Variants in CCNH observed in about 807,000 individuals in gnomAD.
CCNH encodes cyclin H.
In CCNH, 31 loss-of-function variants were observed where a neutral mutation model predicts 41.9. The ratio of observed to expected loss-of-function variants is 0.74; its 90% CI spans 0.56 to 1.00. CCNH has a LOEUF of 1.00. Ranked by LOEUF, CCNH falls within the 50% of genes least tolerant of loss-of-function variation. The pLI, the probability that CCNH is intolerant of heterozygous loss-of-function variation, is 0.00. For missense variants in CCNH, 362 were observed against 388.4 expected (o/e 0.93, Z 0.57); for synonymous variants, 138 against 136.1 (o/e 1.01, Z -0.10).
upstream of CCNH, among the ~76,000 whole-genome samples, chr5:87,381,876 A>G (rs887462769): frequency 6.6e-6 from 1 of 152,202 alleles, no homozygotes; most frequent in Non-Finnish European, 1.5e-5. Context: ...TCATAGACCT[A>G]CTATGTATAA....
Position 87,376,352 on chromosome 5 carries a change from G to A in CCNH, n.829C>T, listed in dbSNP as rs778893032. On this transcript the variant is annotated non_coding_transcript_exon_variant, in exon 1 of 1. Transcript: ENST00000607486. ...ATTTACTTGCATGACTAATTATCGT[G>A]TTCTCTTTTTAAACAATAATTGCTT... 14 of 1,607,058 alleles carry A rather than the reference G, an allele frequency of 8.7e-6. No individual in the cohort carries two copies. In the East Asian group the frequency reaches 2.7e-4, roughly 31 times the overall value.
intron 9 of CCNH, chr5:87,366,368 G>A (rs1413465755): frequency 6.9e-6 from 3 of 433,432 alleles, no homozygotes; most frequent in Admixed American, 4.9e-5. Flanking sequence ...TAGATTGGAA[G>A]TCTGTTGGCA....
At chr5:87,398,406 G>C (rs547704076) in intron 7 of CCNH, among the ~76,000 whole-genome samples, 8 of 152,238 alleles carry the variant, frequency 5.3e-5, no homozygotes, top group African/African-American at 1.7e-4. Context: ...AGATGCCACA[G>C]ATAACTCCCA....
chr5:87,329,025 G>C (rs1757426365), intron 9 of CCNH, among the ~76,000 whole-genome samples: 1 of 152,102 alleles, frequency 6.6e-6, no homozygotes, highest in African/African-American at 2.4e-5. Context: ...TTATGTGTTT[G>C]AAGCTTACGA....
At chr5:87,411,033 G>C in intron 2 of CCNH, among the ~76,000 whole-genome samples, 191 bp downstream of exon 2, 1 of 152,078 alleles carries the variant, frequency 6.6e-6, no homozygotes, top group Non-Finnish European at 1.5e-5. Context: ...AGTGAGACTT[G>C]AAATACTTTT....
rs763843462 is a variant in CCNH at position 87,331,426 on chromosome 5, A to C, written c.*91-12529T>G. ...CAGGGAAGTCTGGCAGTTATCTTAT[A>C]AGAGAGAGTGATCGGAGGCCAGGGT... On this transcript the variant is annotated intron_variant and NMD_transcript_variant, in intron 9 of 9. Transcript: ENST00000645953. The C allele has an allele frequency of 1.2e-6, 2 of 1,613,772 alleles. No individual in the cohort carries two copies. The highest frequency in any genetic ancestry group is 1.7e-6 in the Non-Finnish European group (2 of 1,179,808).
chr5:87,363,331 T>C (rs1409286530), intron 9 of CCNH: 1 of 1,266,664 alleles, frequency 7.9e-7, no homozygotes, highest in Admixed American at 2.0e-5. Context: ...GAGAAAACAA[T>C]TTTTTTTTTT....
At chr5:87,395,937 T>C (rs970625584) in intron 7 of CCNH, among the ~76,000 whole-genome samples, 2 of 151,828 alleles carry the variant, frequency 1.3e-5, no homozygotes, top group Non-Finnish European at 2.9e-5. Context: ...TGAAAAACAA[T>C]AGAATATATC....
At chr5:87,363,347 G>T in intron 9 of CCNH, 1 of 1,603,856 alleles carries the variant, frequency 6.2e-7, no homozygotes, top group South Asian at 1.1e-5. Context: ...TTTTTAAACA[G>T]GCAAAGGAAA....
chr5:87,327,153 AT>A (rs1350453497), intron 9 of CCNH, among the ~76,000 whole-genome samples: 2 of 152,200 alleles, frequency 1.3e-5, no homozygotes, highest in African/African-American at 4.8e-5. Context: ...GTGTTAGCTC[AT>A]TTAATAATAA....
downstream of CCNH, among the ~76,000 whole-genome samples, chr5:87,388,197 A>T (rs1162063207): frequency 6.6e-6 from 1 of 152,146 alleles, no homozygotes; most frequent in African/African-American, 2.4e-5. Context: ...GCAAATATGG[A>T]GTCTTTCATC....
exon 1 of CCNH, chr5:87,377,065 A>ATTT: frequency 6.2e-7 from 1 of 1,603,128 alleles, no homozygotes; most frequent in East Asian, 2.2e-5. Flanking sequence ...TGTTAGTGTG[A>ATTT]TACAAGAAAC....
intron 9 of CCNH, among the ~76,000 whole-genome samples, chr5:87,319,335 T>G (rs1262235666): frequency 6.6e-6 from 1 of 152,214 alleles, no homozygotes; most frequent in East Asian, 1.9e-4. Context: ...AGTCCCACAT[T>G]TCCCCCTCTG....
intron 2 of CCNH, 112 bp from the exon 3 acceptor site, chr5:87,409,475 A>G: frequency 1.7e-6 from 1 of 588,774 alleles, no homozygotes; most frequent in Non-Finnish European, 3.0e-6. Context: ...TTACCCAGAA[A>G]AATACTAATA....
In CCNH at chr5:87,405,022, T is replaced by C; in HGVS notation, c.526-15A>G. 1 of 1,599,578 alleles carries C rather than the reference T, an allele frequency of 6.3e-7. No homozygotes were observed. Among genetic ancestry groups the C allele is most frequent in the Non-Finnish European group, 8.5e-7 (1 of 1,172,966 alleles). ...GGATAGCGGGTCTACAAAGAAAGTT[T>C]GCAAATGTTACCATTTCTGAGGGTT... On this transcript the variant is annotated splice_polypyrimidine_tract_variant and intron_variant, in intron 4 of 8. Coordinates refer to ENST00000256897, the MANE Select transcript of CCNH (RefSeq NM_001239.4).
chr5:87,378,957 A>G (rs984232632), upstream of CCNH, among the ~76,000 whole-genome samples: 2 of 152,154 alleles, frequency 1.3e-5, no homozygotes, highest in Non-Finnish European at 2.9e-5. Context: ...CAACTAAAAC[A>G]AAAAAATCTT....
downstream of CCNH, among the ~76,000 whole-genome samples, chr5:87,375,666 A>G (rs1488301332): frequency 2.6e-5 from 4 of 152,214 alleles, no homozygotes; most frequent in African/African-American, 9.7e-5. Flanking sequence ...AAAGGCTCCC[A>G]GTTCCTGTCC....
At chr5:87,326,705 A>C (rs1757255414) in intron 9 of CCNH, among the ~76,000 whole-genome samples, 1 of 152,172 alleles carries the variant, frequency 6.6e-6, no homozygotes, top group Non-Finnish European at 1.5e-5. Context: ...ACACATTGGG[A>C]AAAGAATGGG....
At position 87,395,036 on chromosome 5, in the gene CCNH, A is replaced by C; in HGVS notation, c.933+8T>G. On this transcript the variant is annotated splice_region_variant and intron_variant, in intron 8 of 8. Coordinates refer to ENST00000256897, the MANE Select transcript of CCNH (RefSeq NM_001239.4). ...TAACTTAGAGTTCATCTTTGGAGTA[A>C]AACATACCTCCTCATGTTTGGATTT... is the stretch of plus-strand genomic sequence containing the variant. 4 of 1,610,806 alleles carry C rather than the reference A, an allele frequency of 2.5e-6. No individual in the cohort carries two copies. Among genetic ancestry groups the C allele is most frequent in the Non-Finnish European group, 3.4e-6 (4 of 1,177,280 alleles).
Sources: allele counts gnomAD v4.1 joint callset (sites outside exome capture counted in the v4.1 genomes callset), GRCh38; gene constraint gnomAD v4.1.1; transcripts MANE v1.5; gene names NCBI Gene and HGNC (gene_info 2026-07-23, HGNC 2026-07-21).